Variants in LRRTM3 observed in about 807,000 individuals in gnomAD.
The protein encoded by LRRTM3 is leucine-rich repeat transmembrane neuronal protein 3.
Under a neutral mutation model 44.7 loss-of-function variants are expected in LRRTM3, and 24 were observed. The observed-to-expected ratio is 0.54, with a 90% CI of 0.39 to 0.76. LRRTM3 has a LOEUF of 0.76. Ranked by LOEUF, LRRTM3 falls within the 30% of genes least tolerant of loss-of-function variation. The pLI, the probability that LRRTM3 is intolerant of heterozygous loss-of-function variation, is 0.00. For synonymous variants in LRRTM3, 277 were observed against 278.7 expected (o/e 0.99, Z 0.06); for missense variants, 587 against 702.2 (o/e 0.84, Z 1.85).
rs1855861890 is a variant in LRRTM3, at chr10:67,063,188, G to A, written c.1537-34399G>A. ...TACAAGAAAAACAGTTACCAAGTAT[G>A]GATGCTCAAGACAGCCTTAAAGCAA... On this transcript the variant is annotated intron_variant, in intron 2 of 2. Transcript: ENST00000361320. 3.9e-5 allele frequency among the ~76,000 whole-genome samples: 6 copies of A among 152,104 alleles called. No homozygotes were observed. The South Asian group carries it at 1.2e-3, about 32-fold the overall frequency.
chr10:67,067,433 T>C (rs896206115), intron 2 of LRRTM3, among the ~76,000 whole-genome samples: 11 of 152,218 alleles, frequency 7.2e-5, no homozygotes, highest in Non-Finnish European at 1.3e-4. Context: ...AGATAATTAC[T>C]TTGTCCCTAT....
At chr10:67,038,920 T>C (rs1467537116) in intron 2 of LRRTM3, among the ~76,000 whole-genome samples, 2 of 152,176 alleles carry the variant, frequency 1.3e-5, no homozygotes, top group African/African-American at 4.8e-5. Context: ...AAAATCCAGA[T>C]AACTTGTAGC....
intron 2 of LRRTM3, among the ~76,000 whole-genome samples, chr10:67,080,425 C>A (rs1856987742): frequency 6.6e-6 from 1 of 152,162 alleles, no homozygotes; most frequent in Non-Finnish European, 1.5e-5. Flanking sequence ...AATGAAAAAA[C>A]TGAATTCTGC....
At chr10:67,016,783 G>A (rs879458198) in intron 2 of LRRTM3, among the ~76,000 whole-genome samples, 2 of 152,176 alleles carry the variant, frequency 1.3e-5, no homozygotes, top group African/African-American at 4.8e-5. Flanking sequence ...TGCTTTCTTG[G>A]AGATGACAAT....
At chr10:67,022,064 A>G (rs1280194419) in intron 2 of LRRTM3, among the ~76,000 whole-genome samples, 1 of 152,216 alleles carries the variant, frequency 6.6e-6, no homozygotes. Context: ...CTGAAGAAAT[A>G]TCAGTGCTAA....
At chr10:66,965,484 G>A (rs1362431425) in intron 2 of LRRTM3, among the ~76,000 whole-genome samples, 20 of 150,082 alleles carry the variant, frequency 1.3e-4, no homozygotes, top group African/African-American at 4.2e-4. Context: ...GCAGTGAGCC[G>A]AGATCGCACC....
intron 2 of LRRTM3, among the ~76,000 whole-genome samples, chr10:67,064,249 C>G (rs1052075010): frequency 6.6e-5 from 10 of 152,000 alleles, no homozygotes; most frequent in African/African-American, 9.7e-5. Flanking sequence ...TCTCTGAAGT[C>G]TTGGGTTACT....
chr10:66,983,100 C>G (rs1850537816), intron 2 of LRRTM3, among the ~76,000 whole-genome samples: 2 of 152,154 alleles, frequency 1.3e-5, no homozygotes, highest in African/African-American at 4.8e-5. Context: ...TTACAATGTG[C>G]TATATTGATT....
At chr10:67,012,987 AGGCATCT>A (rs1400563411) in intron 2 of LRRTM3, 1 of 152,140 alleles carries the variant, frequency 6.6e-6, no homozygotes, top group Non-Finnish European at 1.5e-5. Context: ...TTTCCAGGTA[AGGCATCT>A]TACCAGTTCT....
chr10:67,012,963 C>CTT (rs1285065716), intron 2 of LRRTM3: 4 of 152,116 alleles, frequency 2.6e-5, no homozygotes, highest in Admixed American at 2.6e-4. Flanking sequence ...AAAACCAACA[C>CTT]TTTTCCCTTA....
chr10:67,027,988 T>G (rs1344977734), intron 2 of LRRTM3, among the ~76,000 whole-genome samples: 6 of 152,152 alleles, frequency 3.9e-5, no homozygotes. Flanking sequence ...AACAACCCTG[T>G]GAAGCAAGTA....
intron 2 of LRRTM3, among the ~76,000 whole-genome samples, chr10:66,999,450 A>G (rs993742391): frequency 6.6e-6 from 1 of 152,126 alleles, no homozygotes; most frequent in African/African-American, 2.4e-5. Context: ...ATTACACAGA[A>G]AACTGGGCTG....
chr10:66,994,306 T>A (rs1443469171), intron 2 of LRRTM3, among the ~76,000 whole-genome samples: 1 of 152,198 alleles, frequency 6.6e-6, no homozygotes, highest in Non-Finnish European at 1.5e-5. Flanking sequence ...AAAAATGGGT[T>A]TGCCTGGCCT....
chr10:67,065,672 C>T (rs952006250), intron 2 of LRRTM3, among the ~76,000 whole-genome samples: 1 of 151,962 alleles, frequency 6.6e-6, no homozygotes, highest in Non-Finnish European at 1.5e-5. Flanking sequence ...TGCCCTTTCC[C>T]CAAGCATGAG....
At chr10:66,929,637 AT>A (rs1197791090) in intron 2 of LRRTM3, among the ~76,000 whole-genome samples, 6 of 152,192 alleles carry the variant, frequency 3.9e-5, no homozygotes, top group Non-Finnish European at 8.8e-5. Context: ...GACCAACACT[AT>A]GACAGTTCTC....
rs534719965 is a variant in LRRTM3, at chr10:66,951,111, A to G, written c.1536+22659A>G. On this transcript the variant is annotated intron_variant, in intron 2 of 2. Transcript: ENST00000361320. ...AATACACACACACACACACACACAC[A>G]CACACACTGTCTTTTTTTTTTTTTA... Among the ~76,000 whole-genome samples, 328 of 148,048 alleles carry G rather than the reference A, an allele frequency of 2.2e-3. 2 individuals carry two copies. Among genetic ancestry groups the G allele is most frequent in the African/African-American group, 7.7e-3 (308 of 40,046 alleles).
intron 2 of LRRTM3, among the ~76,000 whole-genome samples, chr10:67,002,359 G>A (rs1006072614): frequency 1.3e-5 from 2 of 152,062 alleles, no homozygotes; most frequent in African/African-American, 4.8e-5. Flanking sequence ...TAGGATCATT[G>A]TTTACATTCT....
In LRRTM3 at chr10:66,928,261, A is replaced by C. The variant is rs139383106; in HGVS notation, c.1345A>C (p.Met449Leu). 8.1e-6 allele frequency: 13 copies of C among 1,614,056 alleles called. No homozygotes were observed. Among genetic ancestry groups the C allele is most frequent in the Non-Finnish European group, 1.1e-5 (13 of 1,180,032 alleles). Residue 449 changes from methionine to leucine, a missense_variant, in exon 2 of 3, where the codon ATG (methionine) becomes CTG (leucine). Met to Leu is a conservative substitution (Grantham distance 15). Transcript: ENST00000361320. ...YVSWKRYPAS[M>L]KQLQQRSLMR... is the part of the protein sequence containing the mutation. ...GTCATGGAAGCGGTACCCTGCGAGC[A>C]TGAAGCAGCTGCAGCAGCGCTCCCT...
At chr10:66,978,552 A>AAAAAAAAAT in intron 2 of LRRTM3, among the ~76,000 whole-genome samples, 1 of 37,878 alleles carries the variant, frequency 2.6e-5, no homozygotes, top group Non-Finnish European at 4.8e-5. Context: ...AAAAAAAAAA[A>AAAAAAAAAT]ATATATATAT....
Sources: allele counts gnomAD v4.1 joint callset (sites outside exome capture counted in the v4.1 genomes callset), GRCh38; gene constraint gnomAD v4.1.1; transcripts MANE v1.5; gene names NCBI Gene and HGNC (gene_info 2026-07-23, HGNC 2026-07-21).